PRKCE: variants seen among roughly 807,000 people sequenced by gnomAD.
PRKCE encodes the protein protein kinase C epsilon.
PRKCE carries 16 observed loss-of-function variants against 85.4 expected under a neutral mutation model. That is an observed-to-expected ratio of 0.19 (90% CI 0.13 to 0.28). The LOEUF is 0.28. Ranked by LOEUF, PRKCE falls within the 10% of genes least tolerant of loss-of-function variation. PRKCE has a pLI of 1.00. For synonymous variants in PRKCE, 388 were observed against 371.5 expected (o/e 1.04, Z -0.51); for missense variants, 573 against 975.2 (o/e 0.59, Z 5.49).
intron 1 of PRKCE, among the ~76,000 whole-genome samples, chr2:45,658,833 T>C (rs1312291150): frequency 2.6e-5 from 4 of 152,250 alleles, no homozygotes; most frequent in African/African-American, 9.6e-5. Flanking sequence ...ACTCTAAAAA[T>C]AAATTTGACT....
chr2:46,173,431 A>G (rs137941865), intron 14 of PRKCE, among the ~76,000 whole-genome samples: 1 of 152,360 alleles, frequency 6.6e-6, no homozygotes, highest in East Asian at 1.9e-4. Context: ...AGCTTACTTT[A>G]TATTCCTTAC....
At chr2:45,936,914 G>A (rs1429926608) in intron 2 of PRKCE, among the ~76,000 whole-genome samples, 1 of 152,116 alleles carries the variant, frequency 6.6e-6, no homozygotes, top group Admixed American at 6.5e-5. Context: ...GTACTTTCAG[G>A]CTATAATCAA....
chr2:45,955,368 T>C (rs1417389478), intron 2 of PRKCE, among the ~76,000 whole-genome samples: 2 of 152,080 alleles, frequency 1.3e-5, no homozygotes, highest in African/African-American at 4.8e-5. Flanking sequence ...CTGGTTGGTG[T>C]GATAAAAACA....
chr2:46,090,263 T>C (rs1429272703), intron 11 of PRKCE, among the ~76,000 whole-genome samples: 2 of 152,202 alleles, frequency 1.3e-5, no homozygotes, highest in East Asian at 1.9e-4. Flanking sequence ...CTCTAGGTGA[T>C]TGGGGGACCG....
chr2:45,737,160 A>T (rs987357256), intron 1 of PRKCE, among the ~76,000 whole-genome samples: 1 of 152,216 alleles, frequency 6.6e-6, no homozygotes, highest in African/African-American at 2.4e-5. Flanking sequence ...AGCCTTGCCA[A>T]CTTGAGACCA....
chr2:45,745,399 G>C (rs1175587937), intron 1 of PRKCE, among the ~76,000 whole-genome samples: 1 of 152,110 alleles, frequency 6.6e-6, no homozygotes, highest in Admixed American at 6.5e-5. Flanking sequence ...CTGCTCTGTT[G>C]TGCTTCGCTT....
In PRKCE at chr2:45,917,753, G is replaced by C. The variant is rs879460287; in HGVS notation, c.413-58676G>C. Among the ~76,000 whole-genome samples the C allele has an allele frequency of 4.4e-4, 67 of 152,310 alleles. 1 individual carries two copies. The highest frequency in any genetic ancestry group is 4.2e-3 in the Admixed American group (65 of 15,308). On this transcript the variant is annotated intron_variant, in intron 2 of 14. Coordinates refer to ENST00000306156, the MANE Select transcript of PRKCE (RefSeq NM_005400.3). ...CTCGTCGGGGAGGCTCCGGCCGCAC[G>C]GGAGCTCACGGTCGGGGGTGGGAGG... is the stretch of plus-strand genomic sequence containing the variant.
At chr2:45,958,370 G>A (rs192571084) in intron 2 of PRKCE, among the ~76,000 whole-genome samples, 143 of 151,406 alleles carry the variant, frequency 9.4e-4, no homozygotes, top group African/African-American at 3.2e-3. Context: ...TTAGCCAGGC[G>A]TGGTGGCGGG....
intron 1 of PRKCE, among the ~76,000 whole-genome samples, chr2:45,834,788 T>A (rs566579247): frequency 6.6e-6 from 1 of 152,368 alleles, no homozygotes; most frequent in East Asian, 1.9e-4. Context: ...TACCATATGA[T>A]GTACCATAAT....
intron 2 of PRKCE, among the ~76,000 whole-genome samples, chr2:45,858,776 C>A (rs2105628554): frequency 6.6e-6 from 1 of 152,232 alleles, no homozygotes; most frequent in Non-Finnish European, 1.5e-5. Context: ...TGCGGTGGCT[C>A]ATACCTGTAA....
At chr2:45,691,157 G>A (rs1004475644) in intron 1 of PRKCE, among the ~76,000 whole-genome samples, 5 of 152,144 alleles carry the variant, frequency 3.3e-5, no homozygotes, top group East Asian at 1.9e-4. Context: ...GGAAACCAGC[G>A]AGCTGTGTCC....
At chr2:45,976,871 G>C (rs1038613549) in intron 3 of PRKCE, among the ~76,000 whole-genome samples, 3 of 144,378 alleles carry the variant, frequency 2.1e-5, no homozygotes, top group African/African-American at 7.9e-5. Context: ...GTGTGTGTGT[G>C]TGTGTGTGTG....
intron 14 of PRKCE, among the ~76,000 whole-genome samples, chr2:46,168,263 G>A (rs113258891): frequency 6.6e-6 from 1 of 152,096 alleles, no homozygotes; most frequent in Non-Finnish European, 1.5e-5. Flanking sequence ...TCAGACTAGT[G>A]TTTCTTGAAC....
At chr2:46,075,214 G>A (rs1668454852) in intron 10 of PRKCE, among the ~76,000 whole-genome samples, 1 of 151,796 alleles carries the variant, frequency 6.6e-6, no homozygotes, top group Non-Finnish European at 1.5e-5. Context: ...CTAACTTTTT[G>A]TATTTTTTAG....
chr2:45,755,798 C>T (rs750512263), intron 1 of PRKCE, among the ~76,000 whole-genome samples: 14 of 152,122 alleles, frequency 9.2e-5, no homozygotes, highest in Non-Finnish European at 1.8e-4. Flanking sequence ...CTTAGTGAGT[C>T]CTAAAGAACT....
intron 2 of PRKCE, among the ~76,000 whole-genome samples, chr2:45,891,127 T>TA (rs1410727062): frequency 4.6e-5 from 7 of 152,210 alleles, no homozygotes; most frequent in Non-Finnish European, 1.0e-4. Context: ...GAAAGTGGCA[T>TA]GTGCTTGAGC....
chr2:45,739,533 C>T (rs999843498), intron 1 of PRKCE, among the ~76,000 whole-genome samples: 1 of 152,114 alleles, frequency 6.6e-6, no homozygotes, highest in East Asian at 1.9e-4. Flanking sequence ...CTGTTTCCTC[C>T]CTTCCTTTTT....
intron 2 of PRKCE, among the ~76,000 whole-genome samples, chr2:45,898,183 C>T (rs959659666): frequency 6.6e-6 from 1 of 152,170 alleles, no homozygotes; most frequent in African/African-American, 2.4e-5. Flanking sequence ...CACAACTCAT[C>T]GCTTCACCTT....
At chr2:46,069,244 A>G (rs1007484077) in intron 10 of PRKCE, among the ~76,000 whole-genome samples, 1 of 152,194 alleles carries the variant, frequency 6.6e-6, no homozygotes, top group South Asian at 2.1e-4. Flanking sequence ...CCTGTTGCTC[A>G]CCACCTGGAA....
Sources: allele counts gnomAD v4.1 joint callset (sites outside exome capture counted in the v4.1 genomes callset), GRCh38; gene constraint gnomAD v4.1.1; transcripts MANE v1.5; gene names NCBI Gene and HGNC (gene_info 2026-07-23, HGNC 2026-07-21).